The following GRM7 variants were observed in gnomAD, a reference collection of about 807,000 sequenced individuals.
The protein encoded by GRM7 is metabotropic glutamate receptor 7.
In GRM7, 35 loss-of-function variants were observed where a neutral mutation model predicts 84.5. The observed-to-expected ratio is 0.41, with a 90% confidence interval of 0.32 to 0.55. GRM7 has a LOEUF of 0.55. Ranked by LOEUF, GRM7 falls within the 20% of genes least tolerant of loss-of-function variation. The probability of loss-of-function intolerance (pLI) is 0.19; values close to 1 mark genes in which losing one functional copy is unlikely to be tolerated. For synonymous variants in GRM7, 487 were observed against 455.1 expected (o/e 1.07, Z -0.89); for missense variants, 1,003 against 1,194.6 (o/e 0.84, Z 2.36).
At chr3:7,247,605 A>T (rs1473069713) in intron 2 of GRM7, among the ~76,000 whole-genome samples, 11 of 146,154 alleles carry the variant, frequency 7.5e-5, no homozygotes, top group African/African-American at 2.6e-4. Context: ...TTTTTTTTAA[A>T]AAAAAAAAAA....
chr3:7,260,673 TTGTGTG>T lies in GRM7; in HGVS notation c.737-37983_737-37978del, dbSNP rs71063292. On this transcript the variant is annotated intron_variant, in intron 2 of 9. Transcript: ENST00000357716. ...CTCCTGGATTTGTTGTTCTTTTGAA[TTGTGTG>T]TGTGTGTGTGTGTGTGTGTGTGTGT... Among the ~76,000 whole-genome samples, 40 of 144,528 alleles carry T rather than the reference TTGTGTG, an allele frequency of 2.8e-4. No homozygotes were observed. The South Asian group carries it at 7.1e-3, about 26-fold the overall frequency. 94.8% of individuals were successfully genotyped at this position (144,528 alleles called of 152,430 possible).
chr3:7,141,963 A>G (rs540233879), intron 1 of GRM7, among the ~76,000 whole-genome samples: 2 of 152,194 alleles, frequency 1.3e-5, no homozygotes, highest in African/African-American at 4.8e-5. Context: ...TAAACCTCAA[A>G]TATTTTTGTT....
At chr3:6,936,252 C>T (rs1697689648) in intron 1 of GRM7, among the ~76,000 whole-genome samples, 2 of 152,206 alleles carry the variant, frequency 1.3e-5, no homozygotes, top group South Asian at 4.1e-4. Flanking sequence ...AGCAGCTTCT[C>T]ACAGGTCCCA....
At position 7,327,709 on chromosome 3, in the gene GRM7, A is replaced by G. The variant is rs145495728; in HGVS notation, c.1033+21057A>G. Reference sequence around the variant, plus strand: ...TTAATCTCTAATGAAGCTTATTAAGATATAAACATTCCTGAGCCCTATAAC... The same window carrying G: ...TTAATCTCTAATGAAGCTTATTAAGGTATAAACATTCCTGAGCCCTATAAC... On this transcript the variant is annotated intron_variant, in intron 4 of 9. Coordinates refer to ENST00000357716, the MANE Select transcript of GRM7 (RefSeq NM_000844.4). Among the ~76,000 whole-genome samples, 323 of 152,326 alleles carry G rather than the reference A, an allele frequency of 2.1e-3. 1 individual carries two copies. Among genetic ancestry groups the G allele is most frequent in the African/African-American group, 7.5e-3 (312 of 41,576 alleles).
chr3:7,092,098 T>A (rs1698685943), intron 1 of GRM7, among the ~76,000 whole-genome samples: 2 of 152,096 alleles, frequency 1.3e-5, no homozygotes, highest in South Asian at 4.1e-4. Flanking sequence ...AACCTCCACT[T>A]TCAGGGTTCA....
chr3:7,121,601 T>C (rs543001365), intron 1 of GRM7, among the ~76,000 whole-genome samples: 39 of 152,328 alleles, frequency 2.6e-4, no homozygotes, highest in Middle Eastern at 3.4e-3. Context: ...GATTCTTTTC[T>C]ATCTCCCTCT....
intron 2 of GRM7, among the ~76,000 whole-genome samples, chr3:7,189,992 G>GCATA (rs928476750): frequency 1.8e-4 from 28 of 151,846 alleles, no homozygotes; most frequent in East Asian, 1.9e-4. Context: ...ACACAGAGAA[G>GCATA]CATACATACA....
chr3:6,919,922 A>C (rs1351677050), intron 1 of GRM7, among the ~76,000 whole-genome samples: 1 of 152,148 alleles, frequency 6.6e-6, no homozygotes, highest in Non-Finnish European at 1.5e-5. Context: ...CTAGAGGTGA[A>C]GCTTAGTTTC....
intron 4 of GRM7, among the ~76,000 whole-genome samples, chr3:7,345,311 G>A (rs1183321290): frequency 6.9e-6 from 1 of 145,622 alleles, no homozygotes; most frequent in Non-Finnish European, 1.5e-5. Flanking sequence ...GTCTCACTCT[G>A]TCACCCAGGC....
intron 8 of GRM7, among the ~76,000 whole-genome samples, chr3:7,669,398 G>C (rs1378879253): frequency 6.6e-6 from 1 of 152,136 alleles, no homozygotes; most frequent in South Asian, 2.1e-4. Flanking sequence ...CTTAAGGATG[G>C]ATGGAGCATG....
rs1471989296 is a variant in GRM7 at position 6,863,490 on chromosome 3, C to T, written c.519+1583C>T. ...CATCCAAGGCTGCAGCTTGCATGGC[C>T]CCTCTGATCCTCTGAGCATCTCTGA... On this transcript the variant is annotated intron_variant, in intron 1 of 9. Coordinates refer to ENST00000357716, the MANE Select transcript of GRM7 (RefSeq NM_000844.4). The surrounding 1 kb of genome is among the most constrained non-coding windows in gnomAD (Gnocchi z 4.8). 1.3e-5 allele frequency among the ~76,000 whole-genome samples: 2 copies of T among 152,148 alleles called. No individual in the cohort carries two copies. Among genetic ancestry groups the T allele is most frequent in the African/African-American group, 4.8e-5 (2 of 41,432 alleles).
chr3:6,866,752 A>G (rs1215996109), intron 1 of GRM7, among the ~76,000 whole-genome samples: 3 of 152,168 alleles, frequency 2.0e-5, no homozygotes, highest in African/African-American at 7.2e-5. Flanking sequence ...TCTCTCCCAA[A>G]ACTGAGAAAT....
intron 7 of GRM7, among the ~76,000 whole-genome samples, chr3:7,509,812 C>T (rs918951903): frequency 7.1e-6 from 1 of 141,090 alleles, no homozygotes; most frequent in Non-Finnish European, 1.5e-5. Flanking sequence ...TTAGGACAGA[C>T]CTCCAAAATC....
intron 1 of GRM7, among the ~76,000 whole-genome samples, chr3:6,983,289 G>A (rs1011698458): frequency 5.3e-5 from 8 of 152,158 alleles, no homozygotes; most frequent in African/African-American, 1.7e-4. Context: ...TAGAAAGGAA[G>A]CAATGGTAAT....
At chr3:7,549,026 G>A (rs997890411) in intron 7 of GRM7, among the ~76,000 whole-genome samples, 4 of 152,176 alleles carry the variant, frequency 2.6e-5, no homozygotes, top group African/African-American at 7.2e-5. Context: ...TAGAGAGAGA[G>A]AGTATGTATC....
chr3:7,553,723 C>G (rs1341857904), intron 7 of GRM7, among the ~76,000 whole-genome samples: 1 of 152,122 alleles, frequency 6.6e-6, no homozygotes, highest in Non-Finnish European at 1.5e-5. Context: ...CTCCTGAGAA[C>G]AGCATGGGGG....
chr3:7,357,103 C>G (rs1049041858), intron 4 of GRM7, among the ~76,000 whole-genome samples: 7 of 151,424 alleles, frequency 4.6e-5, no homozygotes, highest in African/African-American at 1.7e-4. Context: ...GACTTATACA[C>G]TGTCCAAGGA....
At chr3:6,871,006 T>C (rs1412028832) in intron 1 of GRM7, among the ~76,000 whole-genome samples, 3 of 152,130 alleles carry the variant, frequency 2.0e-5, no homozygotes, top group Non-Finnish European at 1.5e-5. Context: ...ATTTTAAAGA[T>C]TGAATGAGGA....
intron 5 of GRM7, among the ~76,000 whole-genome samples, chr3:7,416,269 C>T (rs550753037): frequency 2.6e-5 from 4 of 152,082 alleles, no homozygotes; most frequent in Non-Finnish European, 4.4e-5. Context: ...AAGGGTGTTA[C>T]ACAAGCGGAT....
Sources: allele counts gnomAD v4.1 joint callset (sites outside exome capture counted in the v4.1 genomes callset), GRCh38; gene constraint gnomAD v4.1.1; non-coding constraint Gnocchi (gnomAD v3.1); transcripts MANE v1.5; gene names NCBI Gene and HGNC (gene_info 2026-07-23, HGNC 2026-07-21).